The following ABCF2 variants were observed in gnomAD, a reference collection of about 807,000 sequenced individuals.
ABCF2 encodes the protein ATP-binding cassette sub-family F member 2.
A neutral mutation model predicts 76.9 loss-of-function variants in ABCF2; 37 were observed. The ratio of observed to expected loss-of-function variants is 0.48; its 90% CI spans 0.37 to 0.63. The LOEUF (loss-of-function observed/expected upper bound fraction) is 0.63, where lower values mean the gene tolerates loss of function less well. ABCF2 is among the 30% of genes least tolerant of loss of function. The probability of loss-of-function intolerance (pLI) is 0.00; values close to 1 mark genes in which losing one functional copy is unlikely to be tolerated. For synonymous variants in ABCF2, 299 were observed against 283.7 expected, an observed-to-expected ratio of 1.05 and a Z score of -0.54; for missense variants, 524 against 782.1, an observed-to-expected ratio of 0.67 and a Z score of 3.94.
chr7:151,211,903 C>G lies in ABCF2; in HGVS notation c.*2151G>C. ...CACGGGAGGCTCCTGTCCCTGTTGC[C>G]CAGGGCAGCTCCTGGACTTTGTGGC... On this transcript the variant is annotated 3_prime_UTR_variant, in exon 15 of 15. Transcript: ENST00000287844. The G allele has an allele frequency of 1.0e-6, 1 of 985,434 alleles. No homozygotes were observed. The highest frequency in any genetic ancestry group is 1.2e-6 in the Non-Finnish European group (1 of 829,930). 61.0% of individuals were successfully genotyped at this position (985,434 alleles called of 1,614,324 possible). A position where few individuals can be genotyped will look rare whatever the true frequency, so the allele number is the denominator to read the frequency against.
At chr7:151,226,601 C>CCT (rs1244229538) in intron 1 of ABCF2, 101 bp from the exon 2 acceptor site, 1 of 889,668 alleles carries the variant, frequency 1.1e-6, no homozygotes, top group African/African-American at 1.7e-5. Context: ...CAACATCAAG[C>CCT]CTCTGATGCC....
Position 151,226,314 on chromosome 7 carries a change from C to T in ABCF2, c.145G>A (p.Glu49Lys). 1.2e-6 allele frequency: 2 copies of T among 1,613,964 alleles called. No individual in the cohort carries two copies. Among genetic ancestry groups the T allele is most frequent in the Middle Eastern group, 1.7e-4 (1 of 6,060 alleles). ...CCCTCCCTCAATTCACCTGTGGTCT[C>T]TCTGCCATTGGCCTCATTCTTCTCT... The part of the protein sequence containing the change: ...VAEKNEANGR[E>K]TTEVDLLTKE... The change falls in exon 2 of 15, where the codon GAG becomes AAG. Residue 49 changes from glutamate to lysine, a missense_variant. Coordinates refer to ENST00000287844, the MANE Select transcript of ABCF2 (RefSeq NM_007189.3).
Position 151,221,476 on chromosome 7 carries a change from A to T in ABCF2, c.921+102T>A. 5.9e-6 allele frequency: 5 copies of T among 841,054 alleles called. No individual in the cohort carries two copies. The South Asian group carries it at 8.2e-5, about 14-fold the overall frequency. The allele number at this position is 841,054 out of a possible 1,614,324, so 52.1% of individuals were successfully genotyped here. A position where few individuals can be genotyped will look rare whatever the true frequency, so the allele number is the denominator to read the frequency against. On this transcript the variant is annotated intron_variant, in intron 7 of 14. Coordinates refer to ENST00000287844, the MANE Select transcript of ABCF2 (RefSeq NM_007189.3). Reference sequence around the variant, plus strand: ...CTCGGCCTCCCAAAGTGCTGGGATTACAGGCATGAGCCACCACACCAGCCT... The same window carrying T: ...CTCGGCCTCCCAAAGTGCTGGGATTTCAGGCATGAGCCACCACACCAGCCT...
In ABCF2 at chr7:151,211,764, C is replaced by CT. The variant is rs755202827; in HGVS notation, c.*2289dup. 3.0e-6 allele frequency: 3 copies of CT among 985,316 alleles called. No individual in the cohort carries two copies. Among genetic ancestry groups the CT allele is most frequent in the Non-Finnish European group, 2.4e-6 (2 of 829,944 alleles). 61.0% of individuals were successfully genotyped at this position (985,316 alleles called of 1,614,324 possible). On this transcript the variant is annotated 3_prime_UTR_variant, in exon 15 of 15. Transcript: ENST00000287844. ...CTCCCCTGAACCAAGGCTCTGGACT[C>CT]TCAGGACAGACTAACCTGGGCCATT... is the stretch of plus-strand genomic sequence containing the variant.
In ABCF2 at chr7:151,211,671, C is replaced by A. The variant is rs73169650; in HGVS notation, c.*2383G>T. The stretch of plus-strand genomic sequence containing the variant: ...AATTCTTAGCAATATCCAGCACTTC[C>A]TTAAGTATCAAGGGCTCTGTCCCTC... On this transcript the variant is annotated 3_prime_UTR_variant, in exon 15 of 15. Coordinates refer to ENST00000287844, the MANE Select transcript of ABCF2 (RefSeq NM_007189.3). The A allele has an allele frequency of 0.1, 103,411 of 985,166 alleles. 5,663 individuals carry two copies. The highest frequency in any genetic ancestry group is 0.11 in the Non-Finnish European group (92,073 of 829,760). The allele number at this position is 985,166 out of a possible 1,614,324, so 61.0% of individuals were successfully genotyped here.
rs1584839187 is a variant in ABCF2, at chr7:151,215,875, CA to C, written c.1401+91del. Reference sequence around the variant, plus strand: ...GAGCCACCTAGGCTGGAATTCCTGCCAGGGGGTGGGGGCGGCTGGCTGGAAC... The same window carrying C: ...GAGCCACCTAGGCTGGAATTCCTGCCGGGGGTGGGGGCGGCTGGCTGGAAC... On this transcript the variant is annotated intron_variant, in intron 12 of 14. Transcript: ENST00000287844. The surrounding 1 kb of genome is among the most constrained non-coding windows in gnomAD (Gnocchi z 4.6). The C allele has an allele frequency of 1.3e-6, 2 of 1,586,044 alleles. No individual in the cohort carries two copies. Among genetic ancestry groups the C allele is most frequent in the Non-Finnish European group, 1.7e-6 (2 of 1,160,442 alleles).
Position 151,215,799 on chromosome 7 carries a change from A to G in ABCF2, c.1402-67T>C. 6.2e-7 allele frequency: 1 copy of G among 1,609,724 alleles called. No homozygotes were observed. The highest frequency in any genetic ancestry group is 1.7e-4 in the Middle Eastern group (1 of 6,036). On this transcript the variant is annotated intron_variant, in intron 12 of 14. Transcript: ENST00000287844. This position sits in a 1 kb window ranked among gnomAD's most constrained non-coding sequence, Gnocchi z 4.6. ...CGCTTCAAAATAAACCCTACTAGGT[A>G]ACTTCCTATTTCTATCCCAGGCACC...
chr7:151,225,055 T>A, intron 2 of ABCF2, 67 bp from the exon 3 acceptor site: 1 of 1,421,384 alleles, frequency 7.0e-7, no homozygotes, highest in South Asian at 1.1e-5. Flanking sequence ...AAGGTCAACG[T>A]CCTGAAGGAC....
At chr7:151,225,395 G>A (rs903877461) in intron 2 of ABCF2, among the ~76,000 whole-genome samples, 1 of 152,050 alleles carries the variant, frequency 6.6e-6, no homozygotes, top group African/African-American at 2.4e-5. Context: ...CCCAAGACAG[G>A]GTCCTTGCAC....
chr7:151,224,149 G>C (rs1475538903), intron 3 of ABCF2, 35 bp from the exon 4 acceptor site: 3 of 1,607,674 alleles, frequency 1.9e-6, no homozygotes, highest in Non-Finnish European at 2.6e-6. Flanking sequence ...TTGGTACAGT[G>C]AACTCCCCTA....
chr7:151,222,602 C>A lies in ABCF2; in HGVS notation c.737G>T (p.Arg246Leu), dbSNP rs775423762. ...RVALARALFIRPFMLLLDEPT... is the reference protein window; with the variant it reads ...RVALARALFILPFMLLLDEPT... ...CTCATCCAGGAGCAGCATGAAGGGC[C>A]GAATAAAGAGGGCTCTGAAGGACGG... is the stretch of plus-strand genomic sequence containing the variant. The change falls in exon 6 of 15, where the codon CGG becomes CTG. Residue 246 changes from arginine to leucine, a missense_variant. This residue lies in a region of ABCF2 where 330 missense variants were observed against 433.6 expected (regional missense o/e 0.76). Coordinates refer to ENST00000287844, the MANE Select transcript of ABCF2 (RefSeq NM_007189.3). 1.9e-6 allele frequency: 3 copies of A among 1,613,084 alleles called. No individual in the cohort carries two copies. The highest frequency in any genetic ancestry group is 2.5e-6 in the Non-Finnish European group (3 of 1,179,434).
chr7:151,224,837 A>T lies in ABCF2; in HGVS notation c.306T>A (p.Ser102Arg), dbSNP rs1563618562. The T allele has an allele frequency of 6.2e-7, 1 of 1,614,208 alleles. No homozygotes were observed. The highest frequency in any genetic ancestry group is 2.2e-5 in the East Asian group (1 of 44,890). The change falls in exon 3 of 15, where the codon AGT (serine) becomes AGA (arginine). Residue 102 changes from serine (S) to arginine (R), a missense_variant. By Grantham distance (110) the Ser-to-Arg change is moderately radical (BLOSUM62 -1). Around this residue, in one of 2 missense-constraint regions of ABCF2, gnomAD observed 330 missense variants for 433.6 expected, o/e 0.76. Coordinates refer to ENST00000287844, the MANE Select transcript of ABCF2 (RefSeq NM_007189.3). ...SLTFHGQELLSDTKLELNSGR... is the reference protein window; with the variant it reads ...SLTFHGQELLRDTKLELNSGR... ...CTGAGTTTAATTCCAGTTTGGTGTCACTGAGCAGCTCTTGACCATGAAAGG... is the reference window on the plus strand; with the variant it reads ...CTGAGTTTAATTCCAGTTTGGTGTCTCTGAGCAGCTCTTGACCATGAAAGG...
At position 151,211,570 on chromosome 7, in the gene ABCF2, AGACT is replaced by A; in HGVS notation, c.*2480_*2483del. The A allele has an allele frequency of 1.0e-6, 1 of 985,400 alleles. No homozygotes were observed. Among genetic ancestry groups the A allele is most frequent in the Middle Eastern group, 5.2e-4 (1 of 1,914 alleles). The allele number at this position is 985,400 out of a possible 1,614,324, so 61.0% of individuals were successfully genotyped here. On this transcript the variant is annotated 3_prime_UTR_variant, in exon 15 of 15. Coordinates refer to ENST00000287844, the MANE Select transcript of ABCF2 (RefSeq NM_007189.3). Reference sequence around the variant, plus strand: ...ATTTTTCTTGACAAATAAGCTGACTAGACTATTTCCATTCCTCCAGGTTCTGAAG... The same window carrying A: ...ATTTTTCTTGACAAATAAGCTGACTAATTTCCATTCCTCCAGGTTCTGAAG...
chr7:151,213,900 C>A lies in ABCF2; in HGVS notation c.*154G>T. 1 of 1,455,086 alleles carries A rather than the reference C, an allele frequency of 6.9e-7. No homozygotes were observed. Among genetic ancestry groups the A allele is most frequent in the Non-Finnish European group, 9.0e-7 (1 of 1,111,864 alleles). 90.1% of individuals were successfully genotyped at this position (1,455,086 alleles called of 1,614,324 possible). A position where few individuals can be genotyped will look rare whatever the true frequency, so the allele number is the denominator to read the frequency against. On this transcript the variant is annotated 3_prime_UTR_variant, in exon 15 of 15. Transcript: ENST00000287844. Reference sequence around the variant, plus strand: ...CTGTCCAGCTGTAGGTAAGAGAGTGCAGCTAAGGCAGGTTGAGGGGCAGGG... The same window carrying A: ...CTGTCCAGCTGTAGGTAAGAGAGTGAAGCTAAGGCAGGTTGAGGGGCAGGG...
chr7:151,226,170 T>C (rs1241429153), intron 2 of ABCF2, 135 bp downstream of exon 2: 2 of 1,084,588 alleles, frequency 1.8e-6, no homozygotes, highest in Non-Finnish European at 2.7e-6. Context: ...CCAACTCTAC[T>C]GATTTGATTC....
rs1331726019 is a variant in ABCF2 at position 151,215,933 on chromosome 7, G to A, written c.1401+34C>T. On this transcript the variant is annotated intron_variant, in intron 12 of 14. Transcript: ENST00000287844. This position sits in a 1 kb window ranked among gnomAD's most constrained non-coding sequence, Gnocchi z 4.6. ...AGATACAGCCCCTCCCTATACCCTG[G>A]GCAATTCCCCGGATCCCAACCCCAG... The A allele has an allele frequency of 6.2e-7, 1 of 1,611,092 alleles. No individual in the cohort carries two copies. The highest frequency in any genetic ancestry group is 8.5e-7 in the Non-Finnish European group (1 of 1,177,470).
In ABCF2 at chr7:151,212,272, A is replaced by G; in HGVS notation, c.*1782T>C. 1.0e-6 allele frequency: 1 copy of G among 985,450 alleles called. No homozygotes were observed. Among genetic ancestry groups the G allele is most frequent in the Non-Finnish European group, 1.2e-6 (1 of 829,932 alleles). The allele number at this position is 985,450 out of a possible 1,614,324, so 61.0% of individuals were successfully genotyped here. A position where few individuals can be genotyped will look rare whatever the true frequency, so the allele number is the denominator to read the frequency against. ...GAAGGATGGCCACTGGTGAAATGCT[A>G]TTGAAGTTCAAAAGACCCAGATAAG... On this transcript the variant is annotated 3_prime_UTR_variant, in exon 15 of 15. Transcript: ENST00000287844.
chr7:151,215,732 G>A lies in ABCF2; in HGVS notation c.1402C>T (p.His468Tyr). The part of the protein sequence containing the change: ...SHVKIGRYHQ[H>Y]LQEQLDLDLS... The stretch of plus-strand genomic sequence containing the variant: ...TCTAAGTCCAGCTGCTCTTGTAAAT[G>A]CTACAGGAAAAATGGAAGCCACCCG... Residue 468 changes from histidine (H) to tyrosine (Y), a missense_variant and splice_region_variant, in exon 13 of 15, where the codon CAT (histidine) becomes TAT (tyrosine). Physicochemically the swap from His to Tyr is moderately conservative, Grantham distance 83. Transcript: ENST00000287844. This position sits in a 1 kb window ranked among gnomAD's most constrained non-coding sequence, Gnocchi z 4.6. 1.2e-6 allele frequency: 2 copies of A among 1,614,172 alleles called. No individual in the cohort carries two copies. The highest frequency in any genetic ancestry group is 1.7e-6 in the Non-Finnish European group (2 of 1,180,024).
Position 151,212,531 on chromosome 7 carries a change from G to T in ABCF2, c.*1523C>A, listed in dbSNP as rs897917. ...TTTTATTTTTTTGAGACAGTGTCTC[G>T]GTCTGTCATCAGGCTGGAGTGTAGC... is the stretch of plus-strand genomic sequence containing the variant. On this transcript the variant is annotated 3_prime_UTR_variant, in exon 15 of 15. Coordinates refer to ENST00000287844, the MANE Select transcript of ABCF2 (RefSeq NM_007189.3). 1.0e-6 allele frequency: 1 copy of T among 979,912 alleles called. No homozygotes were observed. The highest frequency in any genetic ancestry group is 1.2e-6 in the Non-Finnish European group (1 of 825,016). The allele number at this position is 979,912 out of a possible 1,614,324, so 60.7% of individuals were successfully genotyped here. A position where few individuals can be genotyped will look rare whatever the true frequency, so the allele number is the denominator to read the frequency against.
Sources: gnomAD v4.1 joint callset for allele counts (sites outside exome capture counted in the v4.1 genomes callset) on GRCh38, gnomAD v4.1.1 for gene constraint, gnomAD v4.1.1 regional missense constraint, Gnocchi (gnomAD v3.1) non-coding constraint, MANE v1.5 for transcripts, NCBI Gene and HGNC (gene_info 2026-07-23, HGNC 2026-07-21) for gene names.